Variants in CERS6 observed in about 807,000 individuals in gnomAD.
CERS6 encodes ceramide synthase 6, also known as LAG1 homolog, ceramide synthase 6.
In CERS6, 26 loss-of-function variants were observed where a neutral mutation model predicts 56.8. The ratio of observed to expected loss-of-function variants is 0.46; its 90% CI spans 0.34 to 0.63. CERS6 has a LOEUF of 0.63. CERS6 is among the 30% of genes least tolerant of loss of function. CERS6 has a pLI of 0.01. For missense variants in CERS6, 415 were observed against 467.5 expected (o/e 0.89, Z 1.04); for synonymous variants, 164 against 173.3 (o/e 0.95, Z 0.42).
At chr2:168,705,361 G>C (rs1414265596) in intron 6 of CERS6, among the ~76,000 whole-genome samples, 1 of 151,962 alleles carries the variant, frequency 6.6e-6, no homozygotes, top group African/African-American at 2.4e-5. Context: ...AAGCATCACA[G>C]CCAGAAGAAA....
chr2:168,661,925 A>G (rs1685638856), intron 4 of CERS6, among the ~76,000 whole-genome samples: 1 of 152,214 alleles, frequency 6.6e-6, no homozygotes, highest in Admixed American at 6.5e-5. Context: ...GTCAAAGGAT[A>G]ATTTTTAGAC....
chr2:168,698,236 G>GAAAAAAAAAAAAAAAA, intron 6 of CERS6, among the ~76,000 whole-genome samples: 1 of 124,992 alleles, frequency 8.0e-6, no homozygotes, highest in Non-Finnish European at 1.6e-5. Flanking sequence ...TGTCTCACAG[G>GAAAAAAAAAAAAAAAA]AAAAAAAAAA....
intron 1 of CERS6, among the ~76,000 whole-genome samples, chr2:168,502,603 G>C (rs1191152590): frequency 6.6e-6 from 1 of 152,170 alleles, no homozygotes; most frequent in East Asian, 1.9e-4. Context: ...CAAAATCTTT[G>C]TTTCTAATAG....
rs1693651178 is a variant in CERS6 at position 168,456,372 on chromosome 2, G to T, written c.-77G>T. On this transcript the variant is annotated 5_prime_UTR_variant, in exon 1 of 10. Transcript: ENST00000305747. The surrounding 1 kb of genome is among the most constrained non-coding windows in gnomAD (Gnocchi z 4.1). ...GGCACAGGCTCGGGGCCAGCCGGGC[G>T]CGCATCCCCGGGCGCCCTGCGCGGT... 2 of 1,204,838 alleles carry T rather than the reference G, an allele frequency of 1.7e-6. No homozygotes were observed. Among genetic ancestry groups the T allele is most frequent in the East Asian group, 6.3e-5 (2 of 31,940 alleles). The allele number at this position is 1,204,838 out of a possible 1,614,324, so 74.6% of individuals were successfully genotyped here.
chr2:168,477,704 A>G (rs1217740556), intron 1 of CERS6, among the ~76,000 whole-genome samples: 7 of 152,274 alleles, frequency 4.6e-5, no homozygotes, highest in African/African-American at 1.4e-4. Context: ...TTTGATAGAT[A>G]TTGGAGAATT....
chr2:168,712,207 C>T (rs907493142), intron 6 of CERS6, among the ~76,000 whole-genome samples: 4 of 152,148 alleles, frequency 2.6e-5, no homozygotes, highest in South Asian at 2.1e-4. Context: ...AAGATTAAGT[C>T]GAATTCACAA....
intron 8 of CERS6, among the ~76,000 whole-genome samples, chr2:168,743,232 A>ATGTGTGTGTGTG (rs1383537944): frequency 7.9e-6 from 1 of 126,276 alleles, no homozygotes; most frequent in Non-Finnish European, 1.8e-5. Flanking sequence ...GTGTATATAT[A>ATGTGTGTGTGTG]TATGTGTGTG....
intron 1 of CERS6, among the ~76,000 whole-genome samples, chr2:168,522,815 C>T (rs1261319002): frequency 6.6e-6 from 1 of 152,108 alleles, no homozygotes. Flanking sequence ...TCCCAAAGTG[C>T]TGAGATTACA....
At chr2:168,544,200 T>TTC (rs143982469) in intron 1 of CERS6, among the ~76,000 whole-genome samples, 46 of 151,076 alleles carry the variant, frequency 3.0e-4, no homozygotes, top group African/African-American at 9.2e-4. Flanking sequence ...TCTGTTATTC[T>TTC]TCTCTCTCTC....
chr2:168,564,230 C>T (rs1038094856), intron 3 of CERS6, among the ~76,000 whole-genome samples: 26 of 152,290 alleles, frequency 1.7e-4, no homozygotes, highest in Non-Finnish European at 2.8e-4. Context: ...CATCGTTCTG[C>T]GGGCTCCAAC....
At chr2:168,703,522 C>G (rs759909814) in intron 6 of CERS6, among the ~76,000 whole-genome samples, 2 of 152,144 alleles carry the variant, frequency 1.3e-5, no homozygotes, top group Non-Finnish European at 2.9e-5. Flanking sequence ...CACGCCACTG[C>G]ACTCCAGCCT....
intron 6 of CERS6, among the ~76,000 whole-genome samples, chr2:168,695,718 A>T (rs1371763217): frequency 6.6e-6 from 1 of 152,114 alleles, no homozygotes; most frequent in Non-Finnish European, 1.5e-5. Flanking sequence ...TTTGGGTGCA[A>T]CAGAGTTCTG....
chr2:168,572,130 T>G (rs1424840540), intron 3 of CERS6, among the ~76,000 whole-genome samples: 1 of 152,196 alleles, frequency 6.6e-6, no homozygotes, highest in Non-Finnish European at 1.5e-5. Context: ...CTTGGCCATA[T>G]TCCTTAATTC....
At chr2:168,548,806 C>A (rs577990616) in intron 2 of CERS6, among the ~76,000 whole-genome samples, 42 of 152,096 alleles carry the variant, frequency 2.8e-4, no homozygotes, top group African/African-American at 9.9e-4. Context: ...AAATGTTTTT[C>A]CCTCAAAAAA....
At chr2:168,686,104 A>C (rs1414495554) in intron 4 of CERS6, among the ~76,000 whole-genome samples, 1 of 146,422 alleles carries the variant, frequency 6.8e-6, no homozygotes, top group African/African-American at 2.6e-5. Flanking sequence ...TGAGCAACGG[A>C]AATTTCTCAT....
rs376145630 is a variant in CERS6 at position 168,540,286 on chromosome 2, C to G, written c.171-7310C>G. 9.2e-5 allele frequency among the ~76,000 whole-genome samples: 14 copies of G among 151,886 alleles called. No individual in the cohort carries two copies. In the East Asian group the frequency reaches 2.1e-3, roughly 23 times the overall value. On this transcript the variant is annotated intron_variant, in intron 1 of 9. Coordinates refer to ENST00000305747, the MANE Select transcript of CERS6 (RefSeq NM_203463.3). The stretch of plus-strand genomic sequence containing the variant: ...TAAGATTATGATTACTGTACCTTTT[C>G]TATGTTTATTTATTTGTGAAGGAAA...
At chr2:168,610,798 A>G (rs897736599) in intron 3 of CERS6, among the ~76,000 whole-genome samples, 1 of 151,988 alleles carries the variant, frequency 6.6e-6, no homozygotes, top group Non-Finnish European at 1.5e-5. Context: ...GGCCTGTGTG[A>G]TTTTTATTTT....
intron 1 of CERS6, among the ~76,000 whole-genome samples, chr2:168,517,762 C>A (rs1475632270): frequency 1.3e-5 from 2 of 152,034 alleles, no homozygotes; most frequent in Admixed American, 6.6e-5. Context: ...TTTTAAAAAA[C>A]CATAAAAATA....
chr2:168,695,003 G>C lies in CERS6; in HGVS notation c.561G>C (p.Ser187=). The C allele has an allele frequency of 6.2e-7, 1 of 1,613,440 alleles. No individual in the cohort carries two copies. The highest frequency in any genetic ancestry group is 1.3e-5 in the African/African-American group (1 of 74,912). The change falls in exon 6 of 10, where the codon TCG becomes TCC. Residue 187 remains serine (S), a synonymous_variant. Transcript: ENST00000305747. The part of the protein sequence containing the change: ...DLHYYYILEL[S]FYWSLMFSQF... ...ACTACTATTACATCCTGGAGCTGTC[G>C]TTTTATTGGTCTTTGATGTTTTCTC... is the stretch of plus-strand genomic sequence containing the variant.
Sources: allele counts gnomAD v4.1 joint callset (sites outside exome capture counted in the v4.1 genomes callset), GRCh38; gene constraint gnomAD v4.1.1; non-coding constraint Gnocchi (gnomAD v3.1); transcripts MANE v1.5; gene names NCBI Gene and HGNC (gene_info 2026-07-23, HGNC 2026-07-21).